STAP1: variants seen among roughly 807,000 people sequenced by gnomAD.
STAP1 encodes signal transducing adaptor family member 1.
In STAP1, 30 loss-of-function variants were observed where a neutral mutation model predicts 37.8. That is an observed-to-expected ratio of 0.79 (90% confidence interval 0.59 to 1.08). The LOEUF (loss-of-function observed/expected upper bound fraction) is 1.08, where lower values mean the gene tolerates loss of function less well. Among genes scored for constraint, STAP1 ranks in the 50% least tolerant of loss-of-function variants. The pLI is 0.00. For missense variants in STAP1, 357 were observed against 349.4 expected (o/e 1.02, Z -0.17); for synonymous variants, 130 against 116.0 (o/e 1.12, Z -0.78).
intron 8 of STAP1, among the ~76,000 whole-genome samples, chr4:67,604,109 G>A (rs1728401105): frequency 6.6e-6 from 1 of 152,220 alleles, no homozygotes; most frequent in African/African-American, 2.4e-5. Context: ...CTGTGGTCCT[G>A]GCTGAATTCT....
intron 6 of STAP1, among the ~76,000 whole-genome samples, chr4:67,584,608 A>G (rs1335577973): frequency 6.6e-6 from 1 of 152,238 alleles, no homozygotes; most frequent in Non-Finnish European, 1.5e-5. Context: ...TTAAGCAGAG[A>G]GCTGAAGGAA....
At chr4:67,592,576 C>T (rs1259519895) in intron 7 of STAP1, among the ~76,000 whole-genome samples, 6 of 152,172 alleles carry the variant, frequency 3.9e-5, no homozygotes, top group South Asian at 2.1e-4. Flanking sequence ...GACGCAGTTA[C>T]TTGTGCTAAG....
At chr4:67,578,935 TCTC>T (rs1727788769) in intron 4 of STAP1, among the ~76,000 whole-genome samples, 1 of 151,906 alleles carries the variant, frequency 6.6e-6, no homozygotes, top group African/African-American at 2.4e-5. Context: ...TTCAAGCAAT[TCTC>T]CTGCCTTAGC....
intron 7 of STAP1, among the ~76,000 whole-genome samples, chr4:67,592,126 A>ATTT (rs5859097): frequency 1.3e-5 from 2 of 148,370 alleles, no homozygotes; most frequent in African/African-American, 4.9e-5. Context: ...TATTTTTGTG[A>ATTT]TTTTTTTTTT....
At chr4:67,579,433 T>C (rs185657142) in intron 4 of STAP1, among the ~76,000 whole-genome samples, 13 of 152,280 alleles carry the variant, frequency 8.5e-5, no homozygotes, top group African/African-American at 3.1e-4. Context: ...GATTTTTTTT[T>C]CTATTTGTAT....
intron 8 of STAP1, among the ~76,000 whole-genome samples, chr4:67,595,372 CAAAAAAAA>C (rs34185676): frequency 5.6e-4 from 49 of 87,790 alleles, no homozygotes; most frequent in African/African-American, 1.9e-3. Flanking sequence ...TTCGTTTCTA[CAAAAAAAA>C]AAAAAAAAAA....
intron 6 of STAP1, among the ~76,000 whole-genome samples, chr4:67,584,799 A>G (rs577498573): frequency 1.3e-5 from 2 of 152,332 alleles, no homozygotes; most frequent in Admixed American, 1.3e-4. Context: ...GTAGGGACAC[A>G]TCACTCAGAG....
chr4:67,586,669 GTATTT>G (rs1365122566), intron 6 of STAP1, among the ~76,000 whole-genome samples: 1 of 152,136 alleles, frequency 6.6e-6, no homozygotes, highest in African/African-American at 2.4e-5. Flanking sequence ...CAATTGTATT[GTATTT>G]AAGTTATATA....
At chr4:67,574,121 T>TG (rs1727667904) in intron 2 of STAP1, among the ~76,000 whole-genome samples, 4 of 152,218 alleles carry the variant, frequency 2.6e-5, no homozygotes, top group Middle Eastern at 3.4e-3. Context: ...AATATATATA[T>TG]ACATAAACTT....
At chr4:67,586,623 A>G (rs28490147) in intron 6 of STAP1, among the ~76,000 whole-genome samples, 1 of 152,358 alleles carries the variant, frequency 6.6e-6, no homozygotes, top group East Asian at 1.9e-4. Context: ...ACTAAACACA[A>G]TGAATTTCTG....
At chr4:67,574,466 C>T (rs898344265) in intron 2 of STAP1, among the ~76,000 whole-genome samples, 4 of 152,022 alleles carry the variant, frequency 2.6e-5, no homozygotes, top group African/African-American at 9.7e-5. Context: ...GTATTAAAAT[C>T]AATAAATGTG....
chr4:67,593,171 G>A, intron 7 of STAP1, 89 bp from the exon 8 acceptor site: 1 of 858,254 alleles, frequency 1.2e-6, no homozygotes, highest in Non-Finnish European at 1.8e-6. Context: ...AGTAATGACA[G>A]TAATCTCCAT....
At chr4:67,584,978 C>A (rs1727949529) in intron 6 of STAP1, among the ~76,000 whole-genome samples, 1 of 152,150 alleles carries the variant, frequency 6.6e-6, no homozygotes, top group Non-Finnish European at 1.5e-5. Flanking sequence ...AAGTCAGTAA[C>A]ACTTAAATGC....
intron 4 of STAP1, among the ~76,000 whole-genome samples, chr4:67,578,300 G>C (rs1285634035): frequency 6.6e-6 from 1 of 152,160 alleles, no homozygotes; most frequent in African/African-American, 2.4e-5. Context: ...TATAAAAACT[G>C]TGTTTATTAG....
chr4:67,571,254 T>C, intron 2 of STAP1, 99 bp downstream of exon 2: 1 of 781,736 alleles, frequency 1.3e-6, no homozygotes, highest in Non-Finnish European at 2.1e-6. Context: ...AGAATAAAGA[T>C]GCTCTGGTAA....
chr4:67,603,029 C>T (rs924149905), intron 8 of STAP1, among the ~76,000 whole-genome samples: 2 of 152,132 alleles, frequency 1.3e-5, no homozygotes, highest in Non-Finnish European at 2.9e-5. Context: ...GGAGCCAGGG[C>T]CTGGAGTTAG....
chr4:67,606,303 A>T lies in STAP1; in HGVS notation c.834A>T (p.Glu278Asp). Reference protein sequence around the residue: ...ICSTDENTGQEPSMEGRSEKL... With the variant: ...ICSTDENTGQDPSMEGRSEKL... ...TCTACCCACAATTTCTAGGTCAAGA[A>T]CCCAGTATGGAAGGGAGAAGTGAAA... is the stretch of plus-strand genomic sequence containing the variant. The change falls in exon 9 of 9, where the codon GAA becomes GAT. Residue 278 changes from glutamate to aspartate, a missense_variant. Glu to Asp is a conservative substitution (Grantham distance 45). Transcript: ENST00000265404. 6.2e-7 allele frequency: 1 copy of T among 1,611,924 alleles called. No individual in the cohort carries two copies. Among genetic ancestry groups the T allele is most frequent in the South Asian group, 1.1e-5 (1 of 90,452 alleles).
At chr4:67,580,363 CTG>C (rs1301596336) in intron 4 of STAP1, among the ~76,000 whole-genome samples, 3 of 151,990 alleles carry the variant, frequency 2.0e-5, no homozygotes, top group Non-Finnish European at 2.9e-5. Flanking sequence ...TATTGTGTAT[CTG>C]TATTAGTAAA....
At chr4:67,575,176 T>A (rs1727690105) in intron 2 of STAP1, among the ~76,000 whole-genome samples, 1 of 152,210 alleles carries the variant, frequency 6.6e-6, no homozygotes, top group Admixed American at 6.6e-5. Context: ...CCTGAAAATT[T>A]AACAATTGGC....
Sources: allele counts gnomAD v4.1 joint callset (sites outside exome capture counted in the v4.1 genomes callset), GRCh38; gene constraint gnomAD v4.1.1; transcripts MANE v1.5; gene names NCBI Gene and HGNC (gene_info 2026-07-23, HGNC 2026-07-21).